The following ZNF385D variants were observed in gnomAD, a reference collection of about 807,000 sequenced individuals.
ZNF385D encodes zinc finger protein 659.
Under a neutral mutation model 35.8 loss-of-function variants are expected in ZNF385D, and 15 were observed. That is an observed-to-expected ratio of 0.42 (90% confidence interval 0.28 to 0.64). The LOEUF (loss-of-function observed/expected upper bound fraction) is 0.64, where lower values mean the gene tolerates loss of function less well. Ranked by LOEUF, ZNF385D falls within the 30% of genes least tolerant of loss-of-function variation. The pLI, the probability that ZNF385D is intolerant of heterozygous loss-of-function variation, is 0.23. For missense variants in ZNF385D, 474 were observed against 494.6 expected (o/e 0.96, Z 0.39); for synonymous variants, 212 against 186.8 (o/e 1.13, Z -1.10).
At chr3:21,681,857 A>G (rs565578310) in intron 1 of ZNF385D, among the ~76,000 whole-genome samples, 4 of 152,062 alleles carry the variant, frequency 2.6e-5, no homozygotes, top group African/African-American at 9.6e-5. Context: ...TTACTGATCC[A>G]TTGGCTCAGG....
At chr3:22,059,533 T>C (rs1252005817) in intron 3 of ZNF385D, among the ~76,000 whole-genome samples, 2 of 152,196 alleles carry the variant, frequency 1.3e-5, no homozygotes, top group African/African-American at 4.8e-5. Context: ...CCAGAGAATG[T>C]CCTTTGTGAT....
At chr3:22,109,779 G>A (rs1702413891) in intron 3 of ZNF385D, among the ~76,000 whole-genome samples, 2 of 152,026 alleles carry the variant, frequency 1.3e-5, no homozygotes, top group Non-Finnish European at 2.9e-5. Context: ...TTGACAAATG[G>A]GATCTAATTA....
chr3:22,345,314 A>C (rs2125486498), intron 2 of ZNF385D, among the ~76,000 whole-genome samples: 1 of 152,310 alleles, frequency 6.6e-6, no homozygotes, highest in East Asian at 1.9e-4. Flanking sequence ...TACCATACTC[A>C]ATATCTTTGT....
chr3:22,336,929 A>AAAAAAAAAAAC (rs1695194192), intron 2 of ZNF385D, among the ~76,000 whole-genome samples: 1 of 146,058 alleles, frequency 6.8e-6, no homozygotes, highest in East Asian at 2.0e-4. Context: ...AAAAAAAAAA[A>AAAAAAAAAAAC]AAAAAAAACC....
At chr3:21,712,713 C>T (rs1214830089) in intron 1 of ZNF385D, among the ~76,000 whole-genome samples, 8 of 152,238 alleles carry the variant, frequency 5.3e-5, no homozygotes, top group East Asian at 1.9e-4. Flanking sequence ...CACTTGAAAA[C>T]GGGTTTTTAC....
chr3:22,075,037 T>G (rs1056864262), intron 3 of ZNF385D, among the ~76,000 whole-genome samples: 4 of 151,900 alleles, frequency 2.6e-5, no homozygotes, highest in Admixed American at 1.3e-4. Context: ...AACTACATAT[T>G]TGAAACTTGC....
At chr3:21,898,915 C>G (rs549942220) in intron 3 of ZNF385D, among the ~76,000 whole-genome samples, 1 of 152,232 alleles carries the variant, frequency 6.6e-6, no homozygotes, top group East Asian at 1.9e-4. Context: ...CTGAGGACCC[C>G]TCAGATGACT....
At chr3:21,551,414 C>T (rs2062564502) in intron 3 of ZNF385D, among the ~76,000 whole-genome samples, 1 of 152,160 alleles carries the variant, frequency 6.6e-6, no homozygotes, top group Admixed American at 6.5e-5. Flanking sequence ...TCTTCTACCT[C>T]TAAAGTTTTA....
intron 3 of ZNF385D, among the ~76,000 whole-genome samples, chr3:22,125,883 T>C (rs1478559623): frequency 6.6e-6 from 1 of 152,156 alleles, no homozygotes; most frequent in Non-Finnish European, 1.5e-5. Context: ...GACTTCTTCG[T>C]TTACAACCTG....
intron 3 of ZNF385D, among the ~76,000 whole-genome samples, chr3:22,002,543 A>G (rs73820902): frequency 0.014 from 2,127 of 152,260 alleles, 57 homozygotes; most frequent in African/African-American, 0.047. Context: ...TATTCCAAAA[A>G]TTGAAGAGAA....
chr3:21,708,870 C>G (rs1647459309), intron 1 of ZNF385D, among the ~76,000 whole-genome samples: 1 of 151,894 alleles, frequency 6.6e-6, no homozygotes, highest in Non-Finnish European at 1.5e-5. Flanking sequence ...TGCACACACA[C>G]ACACACACAC....
chr3:22,041,051 A>G (rs1698634503), intron 3 of ZNF385D, among the ~76,000 whole-genome samples: 1 of 152,132 alleles, frequency 6.6e-6, no homozygotes, highest in African/African-American at 2.4e-5. Flanking sequence ...ATTAAAGGTA[A>G]ACACATGAAG....
At chr3:22,085,172 A>G (rs1407595286) in intron 3 of ZNF385D, among the ~76,000 whole-genome samples, 2 of 148,454 alleles carry the variant, frequency 1.3e-5, no homozygotes, top group Non-Finnish European at 3.0e-5. Context: ...AATAAACTAG[A>G]GAAGCAAGAG....
chr3:22,185,829 T>G (rs999311854), intron 2 of ZNF385D, among the ~76,000 whole-genome samples: 2 of 152,158 alleles, frequency 1.3e-5, no homozygotes, highest in Non-Finnish European at 2.9e-5. Flanking sequence ...GGGAGAAAGA[T>G]GTTATTTTGT....
chr3:22,095,867 TAC>T (rs201058387), intron 3 of ZNF385D, among the ~76,000 whole-genome samples: 1 of 151,014 alleles, frequency 6.6e-6, no homozygotes, highest in African/African-American at 2.4e-5. Flanking sequence ...TATATATATA[TAC>T]TATGCTTAAA....
chr3:21,772,589 A>T (rs1365749759), intron 3 of ZNF385D, among the ~76,000 whole-genome samples: 3 of 152,072 alleles, frequency 2.0e-5, no homozygotes, highest in Admixed American at 2.0e-4. Flanking sequence ...AGAAATTGAA[A>T]CACTTGTGCA....
At chr3:21,780,816 G>A (rs149665127) in intron 3 of ZNF385D, among the ~76,000 whole-genome samples, 1 of 151,898 alleles carries the variant, frequency 6.6e-6, no homozygotes, top group Non-Finnish European at 1.5e-5. Flanking sequence ...TCAGATACCA[G>A]CAACAACAAA....
At chr3:21,849,083 A>G (rs1696204049) in intron 3 of ZNF385D, among the ~76,000 whole-genome samples, 1 of 152,066 alleles carries the variant, frequency 6.6e-6, no homozygotes. Flanking sequence ...CTCAAACATC[A>G]TATCTGTTGT....
intron 3 of ZNF385D, among the ~76,000 whole-genome samples, chr3:21,856,237 T>C (rs1481320423): frequency 1.3e-5 from 2 of 152,076 alleles, no homozygotes; most frequent in African/African-American, 4.8e-5. Context: ...ACAGACTTCT[T>C]TGATGGATCT....
Sources: allele counts gnomAD v4.1 joint callset (sites outside exome capture counted in the v4.1 genomes callset), GRCh38; gene constraint gnomAD v4.1.1; transcripts MANE v1.5; gene names NCBI Gene and HGNC (gene_info 2026-07-23, HGNC 2026-07-21).